Variants in NCKAP5 observed in about 807,000 individuals in gnomAD.
The protein encoded by NCKAP5 is nck-associated protein 5.
In NCKAP5, 92 loss-of-function variants were observed where a neutral mutation model predicts 167.0. The observed-to-expected ratio is 0.55, with a 90% confidence interval of 0.47 to 0.66. NCKAP5 has a LOEUF of 0.66. NCKAP5 is among the 30% of genes least tolerant of loss of function. The pLI is 0.00. For missense variants in NCKAP5, 2,378 were observed against 2,315.0 expected, an observed-to-expected ratio of 1.03 and a Z score of -0.56; for synonymous variants, 891 against 877.4, an observed-to-expected ratio of 1.02 and a Z score of -0.27.
At chr2:133,618,225 A>G in the NCKAP5 span, among the ~76,000 whole-genome samples, 2 of 151,948 alleles carry the variant, frequency 1.3e-5, no homozygotes, top group Non-Finnish European at 2.9e-5. Context: ...AGGCATTACC[A>G]TTCAGGACAT....
At chr2:133,166,834 G>A (rs1346628450) in intron 5 of NCKAP5, among the ~76,000 whole-genome samples, 1 of 152,122 alleles carries the variant, frequency 6.6e-6, no homozygotes, top group East Asian at 1.9e-4. Context: ...CATTTCTTGA[G>A]CTTGTGATTT....
At chr2:133,581,421 C>T in the NCKAP5 span, among the ~76,000 whole-genome samples, 1 of 152,288 alleles carries the variant, frequency 6.6e-6, no homozygotes, top group African/African-American at 2.4e-5. Context: ...ATCTCAATGG[C>T]TGTCCTGAGC....
chr2:132,727,407 C>T (rs1019581942), intron 18 of NCKAP5, among the ~76,000 whole-genome samples: 1 of 152,222 alleles, frequency 6.6e-6, no homozygotes, highest in Non-Finnish European at 1.5e-5. Flanking sequence ...TCCTTTGGAA[C>T]AGTGGCAGCA....
At chr2:132,838,458 C>T (rs1264740794) in intron 11 of NCKAP5, among the ~76,000 whole-genome samples, 5 of 152,090 alleles carry the variant, frequency 3.3e-5, no homozygotes, top group South Asian at 4.2e-4. Context: ...GGTGAAACCC[C>T]GTCTCTACTA....
intron 3 of NCKAP5, among the ~76,000 whole-genome samples, chr2:133,320,914 TC>T (rs1416097010): frequency 6.6e-6 from 1 of 152,136 alleles, no homozygotes; most frequent in East Asian, 1.9e-4. Flanking sequence ...TCCCCATGAC[TC>T]CCAGGCTGTT....
Position 132,898,422 on chromosome 2 carries a change from T to C in NCKAP5, c.580-19506A>G, listed in dbSNP as rs1310197437. 5.3e-5 allele frequency among the ~76,000 whole-genome samples: 8 copies of C among 152,240 alleles called. No individual in the cohort carries two copies. The South Asian group carries it at 1.7e-3, about 31-fold the overall frequency. Reference sequence around the variant, plus strand: ...ATTCTTCCAAACTCCCGTTAATGTTTATATTTTGACCTTTTCCCATGAATC... The same window carrying C: ...ATTCTTCCAAACTCCCGTTAATGTTCATATTTTGACCTTTTCCCATGAATC... On this transcript the variant is annotated intron_variant, in intron 8 of 19. Transcript: ENST00000409261.
intron 6 of NCKAP5, among the ~76,000 whole-genome samples, chr2:133,100,067 GCA>G (rs1559138296): frequency 3.9e-5 from 6 of 152,150 alleles, no homozygotes; most frequent in Admixed American, 1.3e-4. Flanking sequence ...TCTCTAAAGT[GCA>G]GTTGAAAATG....
chr2:132,673,361 CCTAT>C (rs1683986011), intron 19 of NCKAP5, 56 bp from the exon 20 acceptor site: 5 of 1,309,378 alleles, frequency 3.8e-6, no homozygotes, highest in Non-Finnish European at 4.2e-6. Context: ...ATCAAGTTAT[CCTAT>C]CTAATATTCA....
chr2:132,927,086 A>G (rs1558951137), intron 8 of NCKAP5, among the ~76,000 whole-genome samples: 1 of 152,184 alleles, frequency 6.6e-6, no homozygotes, highest in Non-Finnish European at 1.5e-5. Context: ...ATTCTTCTGC[A>G]TATGGCAATC....
At chr2:132,896,144 G>C (rs2148891923) in intron 8 of NCKAP5, among the ~76,000 whole-genome samples, 1 of 152,110 alleles carries the variant, frequency 6.6e-6, no homozygotes, top group East Asian at 1.9e-4. Context: ...TCAAAAACAA[G>C]CAAACAAACA....
intron 15 of NCKAP5, among the ~76,000 whole-genome samples, chr2:132,777,403 C>T (rs1682642375): frequency 1.3e-5 from 2 of 152,072 alleles, no homozygotes; most frequent in South Asian, 2.1e-4. Context: ...TATATCAATT[C>T]ACCATTGATA....
At chr2:133,304,683 C>G (rs995253151) in intron 3 of NCKAP5, among the ~76,000 whole-genome samples, 4 of 152,200 alleles carry the variant, frequency 2.6e-5, no homozygotes, top group Non-Finnish European at 5.9e-5. Flanking sequence ...ATGTACAGAT[C>G]TTAAAGTTAT....
intron 4 of NCKAP5, among the ~76,000 whole-genome samples, chr2:133,215,389 G>T (rs2086383408): frequency 6.6e-6 from 1 of 152,104 alleles, no homozygotes; most frequent in African/African-American, 2.4e-5. Context: ...ATGTAGTATA[G>T]AGGTAACACT....
At chr2:133,148,886 C>T (rs2083292083) in intron 5 of NCKAP5, among the ~76,000 whole-genome samples, 1 of 152,122 alleles carries the variant, frequency 6.6e-6, no homozygotes, top group African/African-American at 2.4e-5. Context: ...TGGGAGGACA[C>T]AAACATTCAG....
intron 9 of NCKAP5, among the ~76,000 whole-genome samples, chr2:132,877,613 C>G (rs1004774889): frequency 2.0e-5 from 3 of 152,178 alleles, no homozygotes; most frequent in Non-Finnish European, 4.4e-5. Flanking sequence ...TTTAAAACCA[C>G]TGGTGCAGGG....
At chr2:133,442,632 G>C (rs1478187433) in intron 3 of NCKAP5, among the ~76,000 whole-genome samples, 3 of 152,176 alleles carry the variant, frequency 2.0e-5, no homozygotes, top group Non-Finnish European at 4.4e-5. Flanking sequence ...CCAGCTCCCT[G>C]GTGCTGTCAC....
intron 8 of NCKAP5, among the ~76,000 whole-genome samples, chr2:132,896,003 G>C (rs1469427776): frequency 6.6e-6 from 1 of 151,858 alleles, no homozygotes; most frequent in Non-Finnish European, 1.5e-5. Context: ...GGCGTGGTGG[G>C]AAGCACCTGT....
intron 16 of NCKAP5, among the ~76,000 whole-genome samples, chr2:132,766,172 C>T (rs1385296958): frequency 6.9e-6 from 1 of 144,712 alleles, no homozygotes; most frequent in Non-Finnish European, 1.5e-5. Flanking sequence ...CCCAGCTACT[C>T]GGGAGGCTGA....
intron 4 of NCKAP5, among the ~76,000 whole-genome samples, chr2:133,259,045 G>C (rs1370563183): frequency 1.3e-5 from 2 of 152,028 alleles, no homozygotes; most frequent in Non-Finnish European, 2.9e-5. Context: ...CTCTGCTACC[G>C]CTCCACCTCC....
Sources: gnomAD v4.1 joint callset for allele counts (sites outside exome capture counted in the v4.1 genomes callset) on GRCh38, gnomAD v4.1.1 for gene constraint, MANE v1.5 for transcripts, NCBI Gene and HGNC (gene_info 2026-07-23, HGNC 2026-07-21) for gene names.